PTPRS: variants seen among roughly 807,000 people sequenced by gnomAD.
The protein encoded by PTPRS is receptor-type tyrosine-protein phosphatase S.
PTPRS carries 63 observed loss-of-function variants against 215.3 expected under a neutral mutation model. That is an observed-to-expected ratio of 0.29 (90% CI 0.24 to 0.36). The LOEUF (loss-of-function observed/expected upper bound fraction) is 0.36, where lower values mean the gene tolerates loss of function less well. Ranked by LOEUF, PTPRS falls within the 10% of genes least tolerant of loss-of-function variation. The pLI is 1.00. For synonymous variants in PTPRS, 1,404 were observed against 1,191.4 expected, an observed-to-expected ratio of 1.18 and a Z score of -3.68; for missense variants, 2,258 against 2,825.8, an observed-to-expected ratio of 0.80 and a Z score of 4.56.
chr19:5,300,747 G>A (rs1334135186), intron 1 of PTPRS, among the ~76,000 whole-genome samples: 3 of 108,064 alleles, frequency 2.8e-5, no homozygotes, highest in Non-Finnish European at 5.4e-5. Context: ...CAGCCTGGGT[G>A]ATAGAACAAG....
rs1420539666 is a variant in PTPRS, at chr19:5,210,567, C to T, written c.5389G>A (p.Glu1797Lys). Residue 1797 changes from glutamate (E) to lysine (K), a missense_variant, in exon 35 of 38, where the codon GAG (glutamate) becomes AAG (lysine). Coordinates refer to ENST00000262963, the MANE Select transcript of PTPRS (RefSeq NM_002850.4). This position sits in a 1 kb window ranked among gnomAD's most constrained non-coding sequence, Gnocchi z 4.5. ...REKCHQYWPA[E>K]RSARYQYFVV... The stretch of plus-strand genomic sequence containing the variant: ...AAGTACTGGTAGCGGGCAGAGCGCT[C>T]GGCCGGCCAGTACTGGTGACACTTC... The T allele has an allele frequency of 9.9e-6, 16 of 1,614,174 alleles. No homozygotes were observed. The highest frequency in any genetic ancestry group is 1.4e-5 in the Non-Finnish European group (16 of 1,180,014).
intron 4 of PTPRS, among the ~76,000 whole-genome samples, chr19:5,267,218 G>C (rs1232254660): frequency 5.3e-5 from 8 of 151,960 alleles, no homozygotes; most frequent in African/African-American, 9.7e-5. Context: ...GTGGGGGCGG[G>C]GGGGAGCGGG....
At chr19:5,309,657 C>T (rs1317000783) in intron 1 of PTPRS, among the ~76,000 whole-genome samples, 1 of 152,140 alleles carries the variant, frequency 6.6e-6, no homozygotes, top group East Asian at 1.9e-4. Flanking sequence ...TCATCTTCTC[C>T]GTCTTTACCG....
chr19:5,258,661 A>G (rs753086430), intron 7 of PTPRS, among the ~76,000 whole-genome samples: 1 of 152,190 alleles, frequency 6.6e-6, no homozygotes, highest in Non-Finnish European at 1.5e-5. Context: ...CCTAGTCCTC[A>G]AAGTCCTCAA....
intron 11 of PTPRS, among the ~76,000 whole-genome samples, chr19:5,242,364 G>A (rs1233101907): frequency 6.6e-6 from 1 of 152,058 alleles, no homozygotes; most frequent in African/African-American, 2.4e-5. Context: ...CCAAAAATTT[G>A]GCTAGGATAA....
Position 5,221,144 on chromosome 19 carries a change from C to T in PTPRS, c.3311G>A (p.Ser1104Asn). ...FYNFVLTNRG[S>N]SLGGLQQTVT... Reference sequence around the variant, plus strand: ...CGTCTGCTGGAGGCCGCCCAGGCTGCTGCCGCGATTGGTCAGCACAAAGTT... The same window carrying T: ...CGTCTGCTGGAGGCCGCCCAGGCTGTTGCCGCGATTGGTCAGCACAAAGTT... The change falls in exon 20 of 38, where the codon AGC becomes AAC. Residue 1104 changes from serine (S) to asparagine (N), a missense_variant. Transcript: ENST00000262963. The T allele has an allele frequency of 6.2e-7, 1 of 1,614,012 alleles. No individual in the cohort carries two copies. Among genetic ancestry groups the T allele is most frequent in the Non-Finnish European group, 8.5e-7 (1 of 1,180,004 alleles).
At chr19:5,222,481 G>A (rs1455487762) in intron 18 of PTPRS, among the ~76,000 whole-genome samples, 2 of 151,816 alleles carry the variant, frequency 1.3e-5, no homozygotes, top group East Asian at 2.0e-4. Context: ...GGGAGCAAGG[G>A]GAGGGGGCAG....
chr19:5,335,857 G>A (rs761756306), intron 1 of PTPRS, among the ~76,000 whole-genome samples: 16 of 152,030 alleles, frequency 1.1e-4, no homozygotes. Context: ...TTCAGATGTG[G>A]AATATCCCCT....
At chr19:5,323,000 G>A (rs1308126828) in intron 1 of PTPRS, among the ~76,000 whole-genome samples, 2 of 152,104 alleles carry the variant, frequency 1.3e-5, no homozygotes, top group Non-Finnish European at 2.9e-5. Flanking sequence ...TATGCCTGGA[G>A]CCCTACTGTG....
At chr19:5,270,970 C>T (rs1266352177) in intron 4 of PTPRS, among the ~76,000 whole-genome samples, 1 of 152,154 alleles carries the variant, frequency 6.6e-6, no homozygotes, top group East Asian at 1.9e-4. Flanking sequence ...CTGTACAGGT[C>T]ACTCGCCTGT....
chr19:5,257,544 A>AG lies in PTPRS; in HGVS notation c.706+472dup, dbSNP rs925123275. The AG allele has an allele frequency of 8.2e-5, 36 of 438,740 alleles. No homozygotes were observed. Among genetic ancestry groups the AG allele is most frequent in the Middle Eastern group, 5.1e-4 (1 of 1,942 alleles). The allele number at this position is 438,740 out of a possible 1,614,324, so 27.2% of individuals were successfully genotyped here. A position where few individuals can be genotyped will look rare whatever the true frequency, so the allele number is the denominator to read the frequency against. On this transcript the variant is annotated intron_variant, in intron 8 of 37. Transcript: ENST00000262963. This position sits in a 1 kb window ranked among gnomAD's most constrained non-coding sequence, Gnocchi z 4.4. ...ACTTCTAGATTGAGGGCCCTGGATTAGGGGGGGCAGTGAAGCGGGGAGCTA... is the reference window on the plus strand; with the variant it reads ...ACTTCTAGATTGAGGGCCCTGGATTAGGGGGGGGCAGTGAAGCGGGGAGCTA...
chr19:5,302,801 T>G (rs567647708), intron 1 of PTPRS, among the ~76,000 whole-genome samples: 1 of 150,712 alleles, frequency 6.6e-6, no homozygotes, highest in Admixed American at 6.7e-5. Flanking sequence ...CTCACGCCTG[T>G]AATCCCAGCA....
chr19:5,304,651 A>G (rs2049418445), intron 1 of PTPRS, among the ~76,000 whole-genome samples: 2 of 152,060 alleles, frequency 1.3e-5, no homozygotes, highest in Non-Finnish European at 2.9e-5. Flanking sequence ...TCCGTTTCTA[A>G]AAACAAAAAG....
At chr19:5,284,387 A>C (rs2048150684) in intron 2 of PTPRS, among the ~76,000 whole-genome samples, 1 of 131,816 alleles carries the variant, frequency 7.6e-6, no homozygotes. Flanking sequence ...AAATAAATAA[A>C]TAAATAAATA....
At chr19:5,281,593 A>T (rs1409030321) in intron 2 of PTPRS, among the ~76,000 whole-genome samples, 1 of 152,218 alleles carries the variant, frequency 6.6e-6, no homozygotes, top group Non-Finnish European at 1.5e-5. Context: ...TGATTAGGGC[A>T]GATGTTTTGC....
rs372318465 is a variant in PTPRS at position 5,307,175 on chromosome 19, G to A, written c.-94-20941C>T. On this transcript the variant is annotated intron_variant, in intron 1 of 37. Transcript: ENST00000262963. Reference sequence around the variant, plus strand: ...CAAAAAAAATTAGCCAGGTGTGGTGGCCGGCACCTGTAATCCCAGCAACTC... The same window carrying A: ...CAAAAAAAATTAGCCAGGTGTGGTGACCGGCACCTGTAATCCCAGCAACTC... Among the ~76,000 whole-genome samples, 250 of 152,296 alleles carry A rather than the reference G, an allele frequency of 1.6e-3. 2 individuals are homozygous for A. The South Asian group carries it at 0.024, about 15-fold the overall frequency.
At chr19:5,238,107 G>C (rs1397701181) in intron 13 of PTPRS, among the ~76,000 whole-genome samples, 1 of 152,166 alleles carries the variant, frequency 6.6e-6, no homozygotes, top group Non-Finnish European at 1.5e-5. Flanking sequence ...GACCACGCCG[G>C]TGGAGGCCAC....
intron 9 of PTPRS, among the ~76,000 whole-genome samples, chr19:5,248,512 A>G (rs1036934254): frequency 3.9e-5 from 6 of 152,080 alleles, no homozygotes; most frequent in Admixed American, 3.9e-4. Flanking sequence ...CTCCCCATCC[A>G]GCACCCAAGA....
chr19:5,269,480 T>G (rs1180551114), intron 4 of PTPRS, among the ~76,000 whole-genome samples: 1 of 151,940 alleles, frequency 6.6e-6, no homozygotes, highest in African/African-American at 2.4e-5. Context: ...CCCCACCAAC[T>G]GCCAGGGACT....
Sources: allele counts gnomAD v4.1 joint callset (sites outside exome capture counted in the v4.1 genomes callset), GRCh38; gene constraint gnomAD v4.1.1; non-coding constraint Gnocchi (gnomAD v3.1); transcripts MANE v1.5; gene names NCBI Gene and HGNC (gene_info 2026-07-23, HGNC 2026-07-21).